The following CTNNA3 variants were observed in gnomAD, a reference collection of about 807,000 sequenced individuals.
CTNNA3 encodes the protein catenin alpha-3.
In CTNNA3, 76 loss-of-function variants were observed where a neutral mutation model predicts 95.7. The observed-to-expected ratio is 0.79, with a 90% confidence interval of 0.66 to 0.96. The LOEUF (loss-of-function observed/expected upper bound fraction) is 0.96, where lower values mean the gene tolerates loss of function less well. Ranked by LOEUF, CTNNA3 falls within the 40% of genes least tolerant of loss-of-function variation. The pLI is 0.00. For missense variants in CTNNA3, 1,191 were observed against 1,089.8 expected (o/e 1.09, Z -1.31); for synonymous variants, 431 against 374.4 (o/e 1.15, Z -1.74).
intron 11 of CTNNA3, among the ~76,000 whole-genome samples, chr10:66,464,511 G>C (rs10822835): frequency 0.16 from 24,502 of 151,854 alleles, 3,557 homozygotes; most frequent in East Asian, 0.51. Context: ...ACCTATAATC[G>C]CAGCACTTTG....
chr10:67,537,526 T>A (rs1840524000), intron 4 of CTNNA3, among the ~76,000 whole-genome samples: 1 of 152,204 alleles, frequency 6.6e-6, no homozygotes, highest in African/African-American at 2.4e-5. Context: ...ATTTGCATGG[T>A]ATGATGTATG....
intron 6 of CTNNA3, among the ~76,000 whole-genome samples, chr10:67,188,339 A>T (rs1014727315): frequency 2.0e-5 from 3 of 152,126 alleles, no homozygotes; most frequent in African/African-American, 7.2e-5. Context: ...TACAAAAAAT[A>T]TAAAAGTTAG....
chr10:67,312,166 G>A (rs990565083), intron 5 of CTNNA3, among the ~76,000 whole-genome samples: 3 of 151,826 alleles, frequency 2.0e-5, no homozygotes, highest in East Asian at 1.9e-4. Context: ...TCTGCCTCCG[G>A]GGTTCAAGCA....
chr10:67,538,968 A>G (rs1053670419), intron 4 of CTNNA3, among the ~76,000 whole-genome samples: 4 of 152,212 alleles, frequency 2.6e-5, no homozygotes, highest in African/African-American at 9.6e-5. Flanking sequence ...ATATCCTCCT[A>G]GCTAATATAC....
rs545879168 is a variant in CTNNA3 at position 66,916,709 on chromosome 10, A to G, written c.1048-141185T>C. ...GCACCTGGAGACAAAGTGGAAATGA[A>G]AGAAAATCAGTAAGGAAGAGGTAAG... is the stretch of plus-strand genomic sequence containing the variant. On this transcript the variant is annotated intron_variant, in intron 7 of 17. Transcript: ENST00000433211. 5.9e-5 allele frequency among the ~76,000 whole-genome samples: 9 copies of G among 152,324 alleles called. No individual in the cohort carries two copies. The South Asian group carries it at 1.7e-3, about 28-fold the overall frequency.
chr10:67,376,690 G>A (rs1305868602), intron 5 of CTNNA3, among the ~76,000 whole-genome samples: 2 of 152,178 alleles, frequency 1.3e-5, no homozygotes, highest in South Asian at 4.1e-4. Context: ...AAACTAGTAA[G>A]CCAAGTATCC....
rs1012163831 is a variant in CTNNA3 at position 67,444,436 on chromosome 10, G to A, written c.579+77406C>T. On this transcript the variant is annotated intron_variant, in intron 5 of 17. Coordinates refer to ENST00000433211, the MANE Select transcript of CTNNA3 (RefSeq NM_013266.4). ...GTTCATACCTATAAATGCCTACATCGAAAAAGAAGAAAAACTTCAAATAAA... is the reference window on the plus strand; with the variant it reads ...GTTCATACCTATAAATGCCTACATCAAAAAAGAAGAAAAACTTCAAATAAA... 2.4e-4 allele frequency among the ~76,000 whole-genome samples: 36 copies of A among 151,708 alleles called. 2 individuals carry two copies. The highest frequency in any genetic ancestry group is 7.0e-4 in the African/African-American group (29 of 41,322).
chr10:66,115,556 A>AGACAGATAGAT (rs2082298409), intron 13 of CTNNA3, among the ~76,000 whole-genome samples: 14 of 147,948 alleles, frequency 9.5e-5, no homozygotes, highest in Admixed American at 8.3e-4. Flanking sequence ...ATAGATAGAT[A>AGACAGATAGAT]GATAGATAGA....
chr10:66,644,113 C>G (rs60375629), intron 9 of CTNNA3, among the ~76,000 whole-genome samples: 10,093 of 151,792 alleles, frequency 0.066, 1,160 homozygotes, highest in African/African-American at 0.23. Context: ...CAAAAATTAG[C>G]CAGGCATGGT....
intron 12 of CTNNA3, among the ~76,000 whole-genome samples, chr10:66,304,426 C>T (rs1297635541): frequency 6.6e-6 from 1 of 151,762 alleles, no homozygotes; most frequent in East Asian, 1.9e-4. Context: ...AACAGATGCA[C>T]CAGAATTAAA....
chr10:67,021,628 T>C (rs571053741), intron 7 of CTNNA3, among the ~76,000 whole-genome samples: 14 of 152,250 alleles, frequency 9.2e-5, no homozygotes, highest in African/African-American at 3.4e-4. Flanking sequence ...AATAAAATTG[T>C]ATCTATACTA....
At chr10:67,659,077 C>T (rs1840106462) in intron 1 of CTNNA3, among the ~76,000 whole-genome samples, 1 of 151,750 alleles carries the variant, frequency 6.6e-6, no homozygotes, top group Non-Finnish European at 1.5e-5. Context: ...TGTTTCCTCA[C>T]ACATACAACC....
intron 11 of CTNNA3, among the ~76,000 whole-genome samples, chr10:66,383,503 C>A (rs2092860108): frequency 6.6e-6 from 1 of 152,218 alleles, no homozygotes; most frequent in South Asian, 2.1e-4. Flanking sequence ...AAGAATGGAA[C>A]CCAGTTGGAA....
At chr10:66,552,665 G>A (rs1429107633) in intron 10 of CTNNA3, among the ~76,000 whole-genome samples, 1 of 150,122 alleles carries the variant, frequency 6.7e-6, no homozygotes, top group Admixed American at 6.6e-5. Flanking sequence ...TAGGGATTTT[G>A]TATATGTGTT....
At chr10:66,197,389 C>CT (rs2131901727) in intron 13 of CTNNA3, among the ~76,000 whole-genome samples, 1 of 149,862 alleles carries the variant, frequency 6.7e-6, no homozygotes, top group Non-Finnish European at 1.5e-5. Flanking sequence ...TATCATCTAT[C>CT]TATCCACGTT....
chr10:66,466,892 C>T (rs1251407664), intron 11 of CTNNA3, among the ~76,000 whole-genome samples: 1 of 152,058 alleles, frequency 6.6e-6, no homozygotes, highest in Non-Finnish European at 1.5e-5. Flanking sequence ...TGGCTCTTTG[C>T]CTGCTTCTTC....
intron 5 of CTNNA3, among the ~76,000 whole-genome samples, chr10:67,473,009 CAT>C (rs1847884439): frequency 6.6e-6 from 1 of 152,162 alleles, no homozygotes; most frequent in South Asian, 2.1e-4. Context: ...ATCACTTGCT[CAT>C]ATGTTTCTCT....
chr10:67,227,195 G>A (rs1382719984), intron 5 of CTNNA3, among the ~76,000 whole-genome samples: 2 of 150,044 alleles, frequency 1.3e-5, no homozygotes, highest in African/African-American at 5.0e-5. Flanking sequence ...AGTTTCAAGC[G>A]ATTCTCCTGC....
chr10:66,020,634 A>G (rs529655138), intron 15 of CTNNA3, among the ~76,000 whole-genome samples: 1 of 151,348 alleles, frequency 6.6e-6, no homozygotes, highest in Admixed American at 6.6e-5. Flanking sequence ...AATATTTCAC[A>G]TGCTTGAAGC....
Sources: gnomAD v4.1 joint callset for allele counts (sites outside exome capture counted in the v4.1 genomes callset) on GRCh38, gnomAD v4.1.1 for gene constraint, MANE v1.5 for transcripts, NCBI Gene and HGNC (gene_info 2026-07-23, HGNC 2026-07-21) for gene names.